BABAM1: variants seen among roughly 807,000 people sequenced by gnomAD.
The protein encoded by BABAM1 is BRISC and BRCA1-A complex member 1.
Under a neutral mutation model 34.4 loss-of-function variants are expected in BABAM1, and 14 were observed. The ratio of observed to expected loss-of-function variants is 0.41; its 90% CI spans 0.27 to 0.64. BABAM1 has a LOEUF of 0.64. Among genes scored for constraint, BABAM1 ranks in the 30% least tolerant of loss-of-function variants. The pLI is 0.34. For missense variants in BABAM1, 393 were observed against 434.0 expected (o/e 0.91, Z 0.84); for synonymous variants, 169 against 165.8 (o/e 1.02, Z -0.15).
chr19:17,272,475 C>A (rs922751058), intron 3 of BABAM1, among the ~76,000 whole-genome samples: 5 of 151,264 alleles, frequency 3.3e-5, no homozygotes, highest in Non-Finnish European at 5.9e-5. Flanking sequence ...GTGCGATCTC[C>A]GCTCACTGCA....
At chr19:17,271,314 T>C (rs1489624804) in intron 2 of BABAM1, among the ~76,000 whole-genome samples, 3 of 152,158 alleles carry the variant, frequency 2.0e-5, no homozygotes, top group Non-Finnish European at 2.9e-5. Context: ...TCTCAGGTTC[T>C]GGGTGGACAT....
chr19:17,276,344 C>T (rs1432343209), intron 6 of BABAM1, 151 bp from the exon 7 acceptor site: 19 of 1,222,708 alleles, frequency 1.6e-5, no homozygotes, highest in Middle Eastern at 1.9e-4. Context: ...CAGAGGGAAC[C>T]GCTTATGGGA....
chr19:17,276,249 C>T (rs574954097), intron 6 of BABAM1: 36 of 567,884 alleles, frequency 6.3e-5, no homozygotes, highest in African/African-American at 5.8e-4. Flanking sequence ...GCAGGAGAAT[C>T]GCTTGAACCT....
chr19:17,274,247 C>A (rs2073882015), intron 5 of BABAM1, 62 bp downstream of exon 5: 4 of 1,581,452 alleles, frequency 2.5e-6, no homozygotes, highest in Non-Finnish European at 3.5e-6. Flanking sequence ...ATCCTTGGGG[C>A]CCAGGAAAGT....
intron 5 of BABAM1, among the ~76,000 whole-genome samples, chr19:17,275,267 A>G (rs2073894431): frequency 6.6e-6 from 1 of 150,840 alleles, no homozygotes; most frequent in South Asian, 2.1e-4. Context: ...AAAACCTCCC[A>G]TGGCTCCCTG....
At chr19:17,276,032 G>A (rs1270385156) in intron 6 of BABAM1, among the ~76,000 whole-genome samples, 1 of 152,158 alleles carries the variant, frequency 6.6e-6, no homozygotes, top group Non-Finnish European at 1.5e-5. Context: ...CCAGCTGACG[G>A]CAGTGATGGG....
Position 17,268,835 on chromosome 19 carries a change from C to A in BABAM1, c.29C>A (p.Thr10Asn). The stretch of plus-strand genomic sequence containing the variant: ...GAAGTGGCAGAGCCCAGCAGCCCCA[C>A]TGAAGAGGAGGAGGAGGAAGAGGAG... MEVAEPSSP[T>N]EEEEEEEEHS... The change falls in exon 2 of 9, where the codon ACT becomes AAT. Residue 10 changes from threonine (T) to asparagine (N), a missense_variant. Thr to Asn is a moderately conservative substitution (Grantham distance 65). Transcript: ENST00000598188. 6.2e-7 allele frequency: 1 copy of A among 1,610,146 alleles called. No individual in the cohort carries two copies. The highest frequency in any genetic ancestry group is 8.5e-7 in the Non-Finnish European group (1 of 1,178,086).
chr19:17,268,269 G>C (rs2073792041), intron 1 of BABAM1, among the ~76,000 whole-genome samples: 1 of 150,302 alleles, frequency 6.7e-6, no homozygotes, highest in South Asian at 2.1e-4. Flanking sequence ...AAAAAAAAGA[G>C]GAAAAAAGAG....
At chr19:17,276,681 C>T (rs774507907) in intron 7 of BABAM1, 57 bp downstream of exon 7, 4 of 1,568,194 alleles carry the variant, frequency 2.6e-6, no homozygotes, top group Non-Finnish European at 2.6e-6. Flanking sequence ...GGTGGTTAGA[C>T]ACCAGGAGGG....
intron 2 of BABAM1, among the ~76,000 whole-genome samples, chr19:17,271,061 T>C (rs2073835510): frequency 6.6e-6 from 1 of 150,986 alleles, no homozygotes; most frequent in Non-Finnish European, 1.5e-5. Flanking sequence ...CAATCAGGGC[T>C]CACTGCAACC....
chr19:17,274,106 G>A lies in BABAM1; in HGVS notation c.466-1G>A, dbSNP rs1052743540. ...GCACTGAGGCCTCTGCTTCCCTGCA[G>A]CTGTCTGGCCTGACCTCCGACCCCC... On this transcript the variant is annotated splice_acceptor_variant, in intron 4 of 8. Transcript: ENST00000598188. LOFTEE classifies it high-confidence loss of function. The A allele has an allele frequency of 6.2e-7, 1 of 1,613,766 alleles. No homozygotes were observed. Among genetic ancestry groups the A allele is most frequent in the Non-Finnish European group, 8.5e-7 (1 of 1,179,870 alleles).
At chr19:17,276,462 T>A (rs1443340207) in intron 6 of BABAM1, 33 bp from the exon 7 acceptor site, 1 of 1,574,056 alleles carries the variant, frequency 6.4e-7, no homozygotes, top group Non-Finnish European at 8.6e-7. Context: ...CCCCACAGGC[T>A]GCTCTGACTG....
intron 2 of BABAM1, 88 bp from the exon 3 acceptor site, chr19:17,271,509 G>C: frequency 6.9e-7 from 1 of 1,458,014 alleles, no homozygotes; most frequent in Non-Finnish European, 9.5e-7. Flanking sequence ...TGCCTTTTCA[G>C]ACAAGGCAGC....
rs184162507 is a variant in BABAM1 at position 17,270,220 on chromosome 19, C to T, written c.285+1129C>T. ...TGCTGGGATTACAGGCGTGAGCCAC[C>T]GCACCCAGCCACTGAGATGAGGTTT... On this transcript the variant is annotated intron_variant, in intron 2 of 8. Coordinates refer to ENST00000598188, the MANE Select transcript of BABAM1 (RefSeq NM_014173.4). Among the ~76,000 whole-genome samples the T allele has an allele frequency of 2.8e-3, 423 of 152,054 alleles. 8 individuals carry two copies. Among genetic ancestry groups the T allele is most frequent in the Admixed American group, 0.022 (333 of 15,244 alleles).
At chr19:17,268,123 A>T (rs1334063628) in intron 1 of BABAM1, among the ~76,000 whole-genome samples, 2 of 151,498 alleles carry the variant, frequency 1.3e-5, no homozygotes, top group African/African-American at 4.9e-5. Flanking sequence ...CCTTGATGAC[A>T]CTGCTAGAAG....
At position 17,278,840 on chromosome 19, in the gene BABAM1, G is replaced by T. The variant is rs776754732; in HGVS notation, c.787-5G>T. 5 of 1,610,464 alleles carry T rather than the reference G, an allele frequency of 3.1e-6. No individual in the cohort carries two copies. Among genetic ancestry groups the T allele is most frequent in the Non-Finnish European group, 4.2e-6 (5 of 1,178,618 alleles). Reference sequence around the variant, plus strand: ...GCCCTTCACTGACCCCCGCCTCCCCGGCAGGATATGTTTGCCTTCATGGGC... The same window carrying T: ...GCCCTTCACTGACCCCCGCCTCCCCTGCAGGATATGTTTGCCTTCATGGGC... On this transcript the variant is annotated splice_region_variant and splice_polypyrimidine_tract_variant and intron_variant, in intron 8 of 8. Coordinates refer to ENST00000598188, the MANE Select transcript of BABAM1 (RefSeq NM_014173.4).
Position 17,273,434 on chromosome 19 carries a change from C to T in BABAM1, c.345-470C>T, listed in dbSNP as rs531000878. Among the ~76,000 whole-genome samples, 26 of 152,242 alleles carry T rather than the reference C, an allele frequency of 1.7e-4. No homozygotes were observed. The East Asian group carries it at 2.5e-3, about 15-fold the overall frequency. On this transcript the variant is annotated intron_variant, in intron 3 of 8. Coordinates refer to ENST00000598188, the MANE Select transcript of BABAM1 (RefSeq NM_014173.4). ...ACCCATTTGGAGAGGGCAGGAGCTCCGATGTCAGCCAGACTGGGTTTGTGG... is the reference window on the plus strand; with the variant it reads ...ACCCATTTGGAGAGGGCAGGAGCTCTGATGTCAGCCAGACTGGGTTTGTGG...
chr19:17,273,573 T>G (rs1160512143), intron 3 of BABAM1, among the ~76,000 whole-genome samples: 9 of 129,870 alleles, frequency 6.9e-5, no homozygotes, highest in Admixed American at 2.3e-4. Context: ...TGTTTTTTTT[T>G]TTTTTTTTGA....
At chr19:17,269,348 C>CTT (rs71334696) in intron 2 of BABAM1, among the ~76,000 whole-genome samples, 2,775 of 123,010 alleles carry the variant, frequency 0.023, 181 homozygotes, top group African/African-American at 0.081. Flanking sequence ...TTTTGTCTGT[C>CTT]TTTTTTTTTT....
Sources: gnomAD v4.1 joint callset for allele counts (sites outside exome capture counted in the v4.1 genomes callset) on GRCh38, gnomAD v4.1.1 for gene constraint, MANE v1.5 for transcripts, NCBI Gene and HGNC (gene_info 2026-07-23, HGNC 2026-07-21) for gene names.